EYA3: variants seen among roughly 807,000 people sequenced by gnomAD.
EYA3 encodes protein phosphatase EYA3.
In EYA3, 39 loss-of-function variants were observed where a neutral mutation model predicts 80.0. The observed-to-expected ratio is 0.49, with a 90% CI of 0.38 to 0.64. EYA3 has a LOEUF of 0.64. Ranked by LOEUF, EYA3 falls within the 30% of genes least tolerant of loss-of-function variation. The pLI is 0.00. For missense variants in EYA3, 523 were observed against 676.1 expected (o/e 0.77, Z 2.51); for synonymous variants, 206 against 232.8 (o/e 0.88, Z 1.05).
intron 2 of EYA3, among the ~76,000 whole-genome samples, chr1:28,052,496 G>A (rs138538178): frequency 3.5e-4 from 53 of 152,272 alleles, no homozygotes; most frequent in Non-Finnish European, 5.4e-4. Context: ...AAAGTGCCAC[G>A]ATGATTCAAC....
chr1:27,990,517 G>A (rs1166634814), intron 14 of EYA3: 1 of 151,512 alleles, frequency 6.6e-6, no homozygotes, highest in African/African-American at 2.4e-5. Flanking sequence ...GGATTTGGAA[G>A]TGTGGTTCTT....
At chr1:28,052,941 G>A (rs1334249199) in intron 2 of EYA3, among the ~76,000 whole-genome samples, 1 of 151,570 alleles carries the variant, frequency 6.6e-6, no homozygotes, top group African/African-American at 2.4e-5. Context: ...GATTGCTTAA[G>A]GTCAGGAGTC....
chr1:27,986,679 G>A (rs1294772767), intron 16 of EYA3, among the ~76,000 whole-genome samples: 1 of 151,844 alleles, frequency 6.6e-6, no homozygotes, highest in African/African-American at 2.4e-5. Context: ...TTACAGGCGT[G>A]AGCCACTGTG....
At chr1:28,080,806 A>G (rs1416604132) in intron 1 of EYA3, among the ~76,000 whole-genome samples, 2 of 152,104 alleles carry the variant, frequency 1.3e-5, no homozygotes, top group East Asian at 3.9e-4. Flanking sequence ...GCTGGAGTGC[A>G]ATAGCGTGGT....
intron 3 of EYA3, among the ~76,000 whole-genome samples, chr1:28,043,116 TACAGGTGTGAGCC>T (rs1394351949): frequency 2.0e-5 from 3 of 152,214 alleles, no homozygotes; most frequent in Non-Finnish European, 4.4e-5. Context: ...GTGCTGGGAT[TACAGGTGTGAGCC>T]ACCACGCCCA....
chr1:28,000,356 A>G (rs1392649938), intron 11 of EYA3, among the ~76,000 whole-genome samples: 1 of 151,806 alleles, frequency 6.6e-6, no homozygotes, highest in Non-Finnish European at 1.5e-5. Flanking sequence ...TCTGTCGCCC[A>G]GGCTGGAGTG....
In EYA3 at chr1:28,010,914, A is replaced by G. The variant is rs151251787; in HGVS notation, c.909+33T>C. The G allele has an allele frequency of 1.8e-5, 28 of 1,599,454 alleles. No individual in the cohort carries two copies. In the African/African-American group the frequency reaches 3.8e-4, roughly 21 times the overall value. On this transcript the variant is annotated intron_variant, in intron 10 of 17. Transcript: ENST00000373871. ...ATAAACTTAAGAAGTGAGAAAGAAC[A>G]AAGTAGGTAACTAAATCAGTTTCTT...
At chr1:28,001,738 CAA>C (rs1160378243) in intron 11 of EYA3, among the ~76,000 whole-genome samples, 2 of 36,288 alleles carry the variant, frequency 5.5e-5, no homozygotes, top group Non-Finnish European at 1.1e-4. Context: ...GACTCTGTCT[CAA>C]AAAAAAAAAA....
intron 2 of EYA3, among the ~76,000 whole-genome samples, chr1:28,054,539 A>T (rs1644374786): frequency 6.6e-6 from 1 of 152,250 alleles, no homozygotes; most frequent in South Asian, 2.1e-4. Flanking sequence ...CTTAACAAAC[A>T]TGATTGCTAA....
intron 2 of EYA3, among the ~76,000 whole-genome samples, chr1:28,053,326 T>TG (rs1644334428): frequency 6.6e-6 from 1 of 152,094 alleles, no homozygotes; most frequent in Non-Finnish European, 1.5e-5. Flanking sequence ...AGCTGGTATC[T>TG]TAAAAAATGA....
intron 1 of EYA3, among the ~76,000 whole-genome samples, chr1:28,066,940 A>G (rs1420222659): frequency 6.6e-6 from 1 of 152,174 alleles, no homozygotes; most frequent in Non-Finnish European, 1.5e-5. Flanking sequence ...AGACTGTCTC[A>G]CTACTAATTG....
At chr1:28,023,148 G>A (rs1304396785) in intron 7 of EYA3, among the ~76,000 whole-genome samples, 1 of 151,992 alleles carries the variant, frequency 6.6e-6, no homozygotes, top group African/African-American at 2.4e-5. Flanking sequence ...GGAGCCAACT[G>A]AAAGAGCTCC....
intron 4 of EYA3, 51 bp from the exon 5 acceptor site, chr1:28,038,956 T>C (rs1261119304): frequency 1.6e-6 from 2 of 1,250,854 alleles, no homozygotes; most frequent in South Asian, 1.3e-5. Context: ...ATTTCGAAAA[T>C]GGAATGGGAA....
At chr1:28,022,730 T>C (rs1642523990) in intron 7 of EYA3, among the ~76,000 whole-genome samples, 1 of 152,146 alleles carries the variant, frequency 6.6e-6, no homozygotes, top group Non-Finnish European at 1.5e-5. Context: ...AGATCTTTTT[T>C]TTGAGACAGG....
intron 6 of EYA3, among the ~76,000 whole-genome samples, chr1:28,035,133 G>C (rs963382078): frequency 6.6e-6 from 1 of 152,038 alleles, no homozygotes. Context: ...AGAAAGGAGA[G>C]GGAGAAGTTG....
At chr1:28,080,286 C>CAAAA (rs1248361926) in intron 1 of EYA3, among the ~76,000 whole-genome samples, 1 of 150,512 alleles carries the variant, frequency 6.6e-6, no homozygotes, top group Non-Finnish European at 1.5e-5. Flanking sequence ...CTATAAAACA[C>CAAAA]AAAACAAACA....
chr1:27,997,598 G>A (rs1385842065), intron 12 of EYA3, among the ~76,000 whole-genome samples: 1 of 152,106 alleles, frequency 6.6e-6, no homozygotes, highest in Non-Finnish European at 1.5e-5. Flanking sequence ...CCCATCCCTT[G>A]TTTCTACTCC....
intron 11 of EYA3, 83 bp from the exon 12 acceptor site, chr1:28,000,132 T>A: frequency 2.1e-6 from 2 of 960,658 alleles, no homozygotes; most frequent in African/African-American, 1.7e-5. Context: ...TTATTTTAGG[T>A]CAAGGCCAAA....
In EYA3 at chr1:28,017,163, G is replaced by C; in HGVS notation, c.576C>G (p.Ile192Met). The C allele has an allele frequency of 1.2e-6, 2 of 1,613,470 alleles. No homozygotes were observed. Among genetic ancestry groups the C allele is most frequent in the Non-Finnish European group, 1.7e-6 (2 of 1,179,418 alleles). Residue 192 changes from isoleucine to methionine, a missense_variant, in exon 8 of 18, where the codon ATC becomes ATG. Physicochemically the swap from Ile to Met is conservative, Grantham distance 10 (BLOSUM62 1). Transcript: ENST00000373871. The part of the protein sequence containing the change: ...ANIPAAAVAS[I>M]SNQDYPTYTI... The stretch of plus-strand genomic sequence containing the variant: ...AAAGGTAGCATCATACCTGGTTTGA[G>C]ATGCTGGCTACTGCTGCTGCTGGAA...
Sources: gnomAD v4.1 joint callset for allele counts (sites outside exome capture counted in the v4.1 genomes callset) on GRCh38, gnomAD v4.1.1 for gene constraint, MANE v1.5 for transcripts, NCBI Gene and HGNC (gene_info 2026-07-23, HGNC 2026-07-21) for gene names.